CUX2: variants seen among roughly 807,000 people sequenced by gnomAD.
The protein encoded by CUX2 is cut like homeobox 2.
In CUX2, 40 loss-of-function variants were observed where a neutral mutation model predicts 144.8. The observed-to-expected ratio is 0.28, with a 90% CI of 0.21 to 0.36. The LOEUF (loss-of-function observed/expected upper bound fraction) is 0.36, where lower values mean the gene tolerates loss of function less well. Ranked by LOEUF, CUX2 falls within the 10% of genes least tolerant of loss-of-function variation. CUX2 has a pLI of 1.00. For synonymous variants in CUX2, 827 were observed against 875.6 expected, an observed-to-expected ratio of 0.94 and a Z score of 0.98; for missense variants, 1,615 against 1,994.0, an observed-to-expected ratio of 0.81 and a Z score of 3.62.
At chr12:111,085,398 G>T (rs1872150531) in intron 1 of CUX2, among the ~76,000 whole-genome samples, 1 of 152,234 alleles carries the variant, frequency 6.6e-6, no homozygotes, top group African/African-American at 2.4e-5. Flanking sequence ...AGATCTGGGG[G>T]AGGGTTGGGA....
At chr12:111,161,962 C>T (rs1363656198) in intron 1 of CUX2, among the ~76,000 whole-genome samples, 1 of 152,210 alleles carries the variant, frequency 6.6e-6, no homozygotes, top group East Asian at 1.9e-4. Context: ...TCTCGAACTC[C>T]TGGGCTCAAG....
intron 3 of CUX2, among the ~76,000 whole-genome samples, chr12:111,250,651 T>C (rs987017323): frequency 1.3e-5 from 2 of 152,104 alleles, no homozygotes; most frequent in Non-Finnish European, 2.9e-5. Context: ...TTGTCTGTGG[T>C]TTGTTCCTCT....
chr12:111,191,189 A>G (rs1879851214), intron 1 of CUX2, among the ~76,000 whole-genome samples: 1 of 152,164 alleles, frequency 6.6e-6, no homozygotes, highest in Admixed American at 6.5e-5. Context: ...GTGGTACTCA[A>G]CTGGTAGAGC....
At chr12:111,258,571 A>T (rs113309059) in intron 3 of CUX2, among the ~76,000 whole-genome samples, 1,520 of 151,888 alleles carry the variant, frequency 0.01, 23 homozygotes, top group African/African-American at 0.035. Context: ...ACAGCCAGTC[A>T]TTGCCTTGAA....
chr12:111,313,461 G>C (rs573918990), intron 16 of CUX2, among the ~76,000 whole-genome samples: 2 of 149,590 alleles, frequency 1.3e-5, no homozygotes, highest in Non-Finnish European at 1.5e-5. Flanking sequence ...CCAACATGGC[G>C]AAACCCTGTC....
chr12:111,279,205 C>T lies in CUX2; in HGVS notation c.302-12213C>T, dbSNP rs895450928. Among the ~76,000 whole-genome samples, 3 of 152,094 alleles carry T rather than the reference C, an allele frequency of 2.0e-5. No homozygotes were observed. In the South Asian group the frequency reaches 6.2e-4, roughly 32 times the overall value. On this transcript the variant is annotated intron_variant, in intron 4 of 21. Transcript: ENST00000261726. ...ACCAGTGCCTAGGAACTGTCAGGTCCCCTTATGGCATGGGCTTGTCTCCCT... is the reference window on the plus strand; with the variant it reads ...ACCAGTGCCTAGGAACTGTCAGGTCTCCTTATGGCATGGGCTTGTCTCCCT...
intron 3 of CUX2, among the ~76,000 whole-genome samples, chr12:111,231,491 T>A (rs1882459545): frequency 6.6e-6 from 1 of 152,260 alleles, no homozygotes; most frequent in Non-Finnish European, 1.5e-5. Flanking sequence ...CACTGCAGGC[T>A]GACCCCAGTA....
At chr12:111,069,136 G>A (rs1445587041) in intron 1 of CUX2, among the ~76,000 whole-genome samples, 1 of 152,140 alleles carries the variant, frequency 6.6e-6, no homozygotes, top group Non-Finnish European at 1.5e-5. Flanking sequence ...TGGCCCTGGA[G>A]TCAGAATGGG....
At chr12:111,250,199 G>T (rs1883496029) in intron 3 of CUX2, among the ~76,000 whole-genome samples, 1 of 152,196 alleles carries the variant, frequency 6.6e-6, no homozygotes, top group African/African-American at 2.4e-5. Flanking sequence ...CATTTTAGGG[G>T]TGAACCTGAG....
intron 1 of CUX2, among the ~76,000 whole-genome samples, chr12:111,194,956 T>A (rs575336786): frequency 3.2e-4 from 49 of 152,146 alleles, no homozygotes; most frequent in Non-Finnish European, 6.0e-4. Flanking sequence ...CTGCTGCCTG[T>A]GAACTCCCAT....
chr12:111,108,287 A>G (rs747499811), intron 1 of CUX2, among the ~76,000 whole-genome samples: 2 of 152,184 alleles, frequency 1.3e-5, no homozygotes, highest in Non-Finnish European at 2.9e-5. Flanking sequence ...CTCAAGGTGA[A>G]GACTGGCTGG....
intron 1 of CUX2, among the ~76,000 whole-genome samples, chr12:111,070,757 A>G (rs1871227405): frequency 6.6e-6 from 1 of 152,030 alleles, no homozygotes; most frequent in Admixed American, 6.5e-5. Context: ...GTGCTCTACT[A>G]CTTCATCCCT....
intron 3 of CUX2, among the ~76,000 whole-genome samples, chr12:111,224,084 G>A (rs1300116981): frequency 2.0e-5 from 3 of 152,154 alleles, no homozygotes; most frequent in Non-Finnish European, 4.4e-5. Context: ...GACCAGCTCT[G>A]ACTCAGATTT....
At chr12:111,298,199 G>T (rs544771262) in intron 8 of CUX2, among the ~76,000 whole-genome samples, 1 of 152,298 alleles carries the variant, frequency 6.6e-6, no homozygotes, top group African/African-American at 2.4e-5. Flanking sequence ...GACAGTGCAG[G>T]GCGGCCTCCC....
chr12:111,348,126 C>T lies in CUX2; in HGVS notation c.4262C>T (p.Ser1421Phe). ...GTCCCCTCCTCCTCAGCTCCCATCT[C>T]CCCATCCCCACCTGGCGCCCCCCCT... ...SPVPSSSAPI[S>F]PSPPGAPPAK... is the part of the protein sequence containing the mutation. Residue 1421 changes from serine (S) to phenylalanine (F), a missense_variant, in exon 22 of 22, where the codon TCC (serine) becomes TTC (phenylalanine). Physicochemically the swap from Ser to Phe is radical, Grantham distance 155. Coordinates refer to ENST00000261726, the MANE Select transcript of CUX2 (RefSeq NM_015267.4). 6.2e-7 allele frequency: 1 copy of T among 1,614,136 alleles called. No individual in the cohort carries two copies. The highest frequency in any genetic ancestry group is 8.5e-7 in the Non-Finnish European group (1 of 1,180,000).
chr12:111,043,307 T>C (rs1477384867), intron 1 of CUX2, among the ~76,000 whole-genome samples: 1 of 152,038 alleles, frequency 6.6e-6, no homozygotes, highest in Non-Finnish European at 1.5e-5. Flanking sequence ...AAATGACCCT[T>C]CTGTTGAGAT....
Position 111,310,266 on chromosome 12 carries a change from C to G in CUX2, c.1484C>G (p.Ala495Gly). ...GGGGAGAGACTGATGATGCCCCCAG[C>G]CGCCTTCAAGGGAGAGGCGGGCGGC... is the stretch of plus-strand genomic sequence containing the variant. ...ASGERLMMPP[A>G]AFKGEAGGLL... is the part of the protein sequence containing the mutation. The change falls in exon 15 of 22, where the codon GCC becomes GGC. Residue 495 changes from alanine (A) to glycine (G), a missense_variant. By Grantham distance (60) the Ala-to-Gly change is moderately conservative (BLOSUM62 0). Transcript: ENST00000261726. The surrounding 1 kb of genome is among the most constrained non-coding windows in gnomAD (Gnocchi z 7.9). 6.6e-7 allele frequency: 1 copy of G among 1,510,582 alleles called. No individual in the cohort carries two copies. The highest frequency in any genetic ancestry group is 8.9e-7 in the Non-Finnish European group (1 of 1,128,616). The allele number at this position is 1,510,582 out of a possible 1,614,324, so 93.6% of individuals were successfully genotyped here.
At chr12:111,182,411 G>A (rs138122443) in intron 1 of CUX2, among the ~76,000 whole-genome samples, 145 of 152,342 alleles carry the variant, frequency 9.5e-4, no homozygotes, top group African/African-American at 3.2e-3. Flanking sequence ...GCATCCTGGC[G>A]TTGGGCAAAT....
intron 1 of CUX2, among the ~76,000 whole-genome samples, chr12:111,152,071 G>C (rs1877083151): frequency 6.6e-6 from 1 of 152,102 alleles, no homozygotes; most frequent in Non-Finnish European, 1.5e-5. Context: ...GATCACCTGA[G>C]GTCAGGAGTT....
Sources: gnomAD v4.1 joint callset for allele counts (sites outside exome capture counted in the v4.1 genomes callset) on GRCh38, gnomAD v4.1.1 for gene constraint, Gnocchi (gnomAD v3.1) non-coding constraint, MANE v1.5 for transcripts, NCBI Gene and HGNC (gene_info 2026-07-23, HGNC 2026-07-21) for gene names.